Variants in P4HA3 observed in about 807,000 individuals in gnomAD.
P4HA3 encodes prolyl 4-hydroxylase subunit alpha-3.
Under a neutral mutation model 66.7 loss-of-function variants are expected in P4HA3, and 60 were observed. The ratio of observed to expected loss-of-function variants is 0.90; its 90% confidence interval spans 0.73 to 1.12. P4HA3 has a LOEUF of 1.12. Among genes scored for constraint, P4HA3 ranks in the 50% most tolerant of loss-of-function variants. The probability of loss-of-function intolerance (pLI) is 0.00; values close to 1 mark genes in which losing one functional copy is unlikely to be tolerated. For synonymous variants in P4HA3, 263 were observed against 274.6 expected (o/e 0.96, Z 0.42); for missense variants, 683 against 685.8 (o/e 1.00, Z 0.05).
At position 74,273,207 on chromosome 11, in the gene P4HA3, T is replaced by C. The variant is rs117409891; in HGVS notation, c.1398+338A>G. Among the ~76,000 whole-genome samples, 10 of 152,322 alleles carry C rather than the reference T, an allele frequency of 6.6e-5. No individual in the cohort carries two copies. In the East Asian group the frequency reaches 1.5e-3, roughly 23 times the overall value. ...TCAACACTGATTAGTCCATGAGACC[T>C]CAAGGACACAGATTCTCAGATCCTC... On this transcript the variant is annotated intron_variant, in intron 10 of 12. Transcript: ENST00000331597.
chr11:74,288,977 A>T, intron 5 of P4HA3, 102 bp downstream of exon 5: 10 of 719,584 alleles, frequency 1.4e-5, no homozygotes, highest in South Asian at 3.8e-5. Flanking sequence ...GATAATAAAG[A>T]TAGATAGCTG....
In P4HA3 at chr11:74,281,436, G is replaced by A. The variant is rs1490054190; in HGVS notation, c.1111-1984C>T. 3.3e-5 allele frequency among the ~76,000 whole-genome samples: 5 copies of A among 152,172 alleles called. No individual in the cohort carries two copies. In the East Asian group the frequency reaches 9.6e-4, roughly 29 times the overall value. ...AGACACATGCACACGTATGTTTATTGCGGCATTATTCACAATAGCAAAGAC... is the reference window on the plus strand; with the variant it reads ...AGACACATGCACACGTATGTTTATTACGGCATTATTCACAATAGCAAAGAC... On this transcript the variant is annotated intron_variant, in intron 7 of 12. Transcript: ENST00000331597.
At chr11:74,299,790 AGT>A (rs1861347814) in intron 3 of P4HA3, among the ~76,000 whole-genome samples, 1 of 152,120 alleles carries the variant, frequency 6.6e-6, no homozygotes, top group African/African-American at 2.4e-5. Flanking sequence ...TGTTAATCAT[AGT>A]AACCTTGGTG....
chr11:74,299,779 G>T (rs1184507218), intron 3 of P4HA3, among the ~76,000 whole-genome samples: 1 of 151,958 alleles, frequency 6.6e-6, no homozygotes, highest in East Asian at 1.9e-4. Context: ...ATGGGGGTGG[G>T]TGTTAATCAT....
chr11:74,271,072 T>C (rs577944958), intron 10 of P4HA3, among the ~76,000 whole-genome samples: 3 of 152,336 alleles, frequency 2.0e-5, no homozygotes, highest in East Asian at 1.9e-4. Flanking sequence ...AGAAGGTTCA[T>C]GCTCTGTAAT....
At chr11:74,282,133 AAAAAAAAAAC>A (rs1291164395) in intron 7 of P4HA3, among the ~76,000 whole-genome samples, 4 of 150,374 alleles carry the variant, frequency 2.7e-5, no homozygotes, top group East Asian at 1.9e-4. Context: ...AATGGTTTAA[AAAAAAAAAAC>A]AAAAAAAAAC....
At chr11:74,302,944 CTTTCT>C (rs888616821) in intron 2 of P4HA3, among the ~76,000 whole-genome samples, 5 of 140,972 alleles carry the variant, frequency 3.5e-5, no homozygotes, top group Admixed American at 7.1e-5. Flanking sequence ...CTCCTCTTTT[CTTTCT>C]TTTCTTTCTT....
chr11:74,262,956 A>T (rs748524414), downstream of P4HA3, among the ~76,000 whole-genome samples: 35 of 152,212 alleles, frequency 2.3e-4, no homozygotes, highest in Non-Finnish European at 3.2e-4. Context: ...TGTGTGAAAG[A>T]GGGACAAGCA....
At chr11:74,293,965 G>C (rs1250824832) in intron 4 of P4HA3, among the ~76,000 whole-genome samples, 1 of 151,774 alleles carries the variant, frequency 6.6e-6, no homozygotes, top group Non-Finnish European at 1.5e-5. Flanking sequence ...GTGGCGTTCT[G>C]TGTATTTCCT....
In P4HA3 at chr11:74,278,587, T is replaced by C. The variant is rs575867377; in HGVS notation, c.1175+801A>G. Among the ~76,000 whole-genome samples, 5 of 152,176 alleles carry C rather than the reference T, an allele frequency of 3.3e-5. No homozygotes were observed. The South Asian group carries it at 1.0e-3, about 32-fold the overall frequency. The stretch of plus-strand genomic sequence containing the variant: ...GAAAAGGGAAGAAAATACCACCTGC[T>C]CCCCTGGAAGCAATTAACCCAAGGC... On this transcript the variant is annotated intron_variant, in intron 8 of 12. Transcript: ENST00000331597.
intron 15 of P4HA3, among the ~76,000 whole-genome samples, chr11:74,253,117 G>A (rs1037220767): frequency 3.9e-5 from 6 of 152,194 alleles, no homozygotes; most frequent in African/African-American, 1.4e-4. Flanking sequence ...CCTGGGAGAT[G>A]AGAGTGACAG....
At chr11:74,279,360 G>A in intron 8 of P4HA3, 28 bp downstream of exon 8, 2 of 1,608,640 alleles carry the variant, frequency 1.2e-6, no homozygotes, top group Non-Finnish European at 1.7e-6. Flanking sequence ...GTGGGCAGCA[G>A]GTATGACCAA....
chr11:74,259,115 T>C (rs1465275390), intron 15 of P4HA3, among the ~76,000 whole-genome samples: 1 of 152,160 alleles, frequency 6.6e-6, no homozygotes, highest in Admixed American at 6.5e-5. Flanking sequence ...CAAAAAACTT[T>C]TGGCTGGGCA....
chr11:74,288,987 G>A (rs1359345680), intron 5 of P4HA3, 92 bp downstream of exon 5: 12 of 669,538 alleles, frequency 1.8e-5, no homozygotes, highest in Admixed American at 3.8e-5. Flanking sequence ...ATAGATAGCT[G>A]TATTTCTCTT....
At chr11:74,288,997 T>C in intron 5 of P4HA3, 82 bp downstream of exon 5, 1 of 1,010,990 alleles carries the variant, frequency 9.9e-7, no homozygotes, top group East Asian at 3.0e-5. Context: ...GTATTTCTCT[T>C]GCAGGAATTA....
intron 2 of P4HA3, among the ~76,000 whole-genome samples, chr11:74,303,671 T>C (rs1861487159): frequency 6.6e-6 from 1 of 150,760 alleles, no homozygotes; most frequent in Non-Finnish European, 1.5e-5. Flanking sequence ...AACCTCTGCC[T>C]CCCGGATTCA....
At chr11:74,303,300 T>TC (rs1209632317) in intron 2 of P4HA3, among the ~76,000 whole-genome samples, 1 of 150,012 alleles carries the variant, frequency 6.7e-6, no homozygotes, top group African/African-American at 2.4e-5. Flanking sequence ...TTCTTTTTTT[T>TC]TTTTTTTTTT....
At position 74,293,493 on chromosome 11, in the gene P4HA3, C is replaced by T. The variant is rs1402038460; in HGVS notation, c.718-4363G>A. ...TGTGAATGTGATCCTGTCATTATGACATTAGCTGGTTATTTTGCTCGTTAG... is the reference window on the plus strand; with the variant it reads ...TGTGAATGTGATCCTGTCATTATGATATTAGCTGGTTATTTTGCTCGTTAG... On this transcript the variant is annotated intron_variant, in intron 4 of 12. Coordinates refer to ENST00000331597, the MANE Select transcript of P4HA3 (RefSeq NM_182904.5). Among the ~76,000 whole-genome samples, 3 of 152,246 alleles carry T rather than the reference C, an allele frequency of 2.0e-5. No homozygotes were observed. In the East Asian group the frequency reaches 5.8e-4, roughly 29 times the overall value.
intron 4 of P4HA3, among the ~76,000 whole-genome samples, chr11:74,293,275 CT>C (rs1278169456): frequency 6.6e-6 from 1 of 151,898 alleles, no homozygotes; most frequent in South Asian, 2.1e-4. Flanking sequence ...CAACCCCTGC[CT>C]TTTTTTGTTT....
Sources: gnomAD v4.1 joint callset for allele counts (sites outside exome capture counted in the v4.1 genomes callset) on GRCh38, gnomAD v4.1.1 for gene constraint, MANE v1.5 for transcripts, NCBI Gene and HGNC (gene_info 2026-07-23, HGNC 2026-07-21) for gene names.